WDFY3: variants seen among roughly 807,000 people sequenced by gnomAD.
The protein encoded by WDFY3 is WD repeat and FYVE domain-containing protein 3.
WDFY3 carries 66 observed loss-of-function variants against 409.6 expected under a neutral mutation model. The observed-to-expected ratio is 0.16, with a 90% CI of 0.13 to 0.20. WDFY3 has a LOEUF of 0.20. Ranked by LOEUF, WDFY3 falls within the 10% of genes least tolerant of loss-of-function variation. The pLI, the probability that WDFY3 is intolerant of heterozygous loss-of-function variation, is 1.00. For synonymous variants in WDFY3, 1,521 were observed against 1,537.1 expected, an observed-to-expected ratio of 0.99 and a Z score of 0.25; for missense variants, 3,031 against 4,298.1, an observed-to-expected ratio of 0.71 and a Z score of 8.24.
At chr4:84,875,263 AAC>A (rs58589086) in intron 3 of WDFY3, among the ~76,000 whole-genome samples, 38,847 of 137,230 alleles carry the variant, frequency 0.28, 5,481 homozygotes, top group South Asian at 0.48. Flanking sequence ...GCAAGACTCA[AAC>A]ACACACACAC....
At chr4:84,766,474 A>G in intron 30 of WDFY3, 102 bp from the exon 31 acceptor site, 1 of 1,201,488 alleles carries the variant, frequency 8.3e-7, no homozygotes, top group East Asian at 2.7e-5. Context: ...ATCTTTTAGA[A>G]AACATTTTCT....
chr4:84,778,708 T>C (rs1745972629), intron 26 of WDFY3, 53 bp from the exon 27 acceptor site: 5 of 1,559,918 alleles, frequency 3.2e-6, no homozygotes, highest in Non-Finnish European at 4.3e-6. Context: ...ATATATTCAT[T>C]ACACACACAC....
At chr4:84,954,957 C>T (rs1262158867) in intron 1 of WDFY3, among the ~76,000 whole-genome samples, 2 of 152,132 alleles carry the variant, frequency 1.3e-5, no homozygotes, top group African/African-American at 4.8e-5. Context: ...GTAATTTTGG[C>T]ACTGTGGGAG....
chr4:84,858,810 A>G (rs1292211196), intron 4 of WDFY3, among the ~76,000 whole-genome samples: 1 of 151,830 alleles, frequency 6.6e-6, no homozygotes, highest in Non-Finnish European at 1.5e-5. Context: ...GGAGAAAGGC[A>G]TCGTCAGGGG....
intron 7 of WDFY3, among the ~76,000 whole-genome samples, chr4:84,831,980 C>A (rs1218821733): frequency 2.6e-5 from 4 of 152,104 alleles, no homozygotes; most frequent in African/African-American, 9.7e-5. Flanking sequence ...AGCAATCCCC[C>A]TACTGAGGGT....
Position 84,817,434 on chromosome 4 carries a change from T to C in WDFY3, c.1845A>G (p.Ser615=). 1 of 1,613,802 alleles carries C rather than the reference T, an allele frequency of 6.2e-7. No homozygotes were observed. The highest frequency in any genetic ancestry group is 2.2e-5 in the East Asian group (1 of 44,870). ...TCAACTGCAATTCCGTCGGTGGGGC[T>C]GAATGCATTAGCCCCAGGAGAGTGC... The part of the protein sequence containing the change: ...DMGTLLGLMH[S]APPTELQLKT... The change falls in exon 13 of 68, where the codon TCA becomes TCG. Residue 615 remains serine (S), a synonymous_variant. Transcript: ENST00000295888.
intron 10 of WDFY3, among the ~76,000 whole-genome samples, chr4:84,823,042 G>A (rs1754313526): frequency 6.6e-6 from 1 of 152,102 alleles, no homozygotes; most frequent in African/African-American, 2.4e-5. Flanking sequence ...TAGCCAATAT[G>A]ATTCTGAGAA....
intron 5 of WDFY3, among the ~76,000 whole-genome samples, chr4:84,847,742 C>G (rs1758292429): frequency 7.2e-6 from 1 of 139,854 alleles, no homozygotes; most frequent in Admixed American, 7.3e-5. Context: ...CCACTGCACT[C>G]CAGCATGGGG....
chr4:84,770,743 A>C (rs1037388725), intron 30 of WDFY3, among the ~76,000 whole-genome samples: 2 of 152,228 alleles, frequency 1.3e-5, no homozygotes, highest in African/African-American at 4.8e-5. Flanking sequence ...AACTTACTCT[A>C]AGAGCTACTT....
At chr4:84,901,046 CT>C (rs1418038952) in intron 2 of WDFY3, among the ~76,000 whole-genome samples, 2 of 152,172 alleles carry the variant, frequency 1.3e-5, no homozygotes, top group African/African-American at 4.8e-5. Flanking sequence ...TGCCTTGTTG[CT>C]GCATCCTCTG....
chr4:84,846,590 A>T (rs1383314569), intron 5 of WDFY3, among the ~76,000 whole-genome samples: 1 of 148,738 alleles, frequency 6.7e-6, no homozygotes, highest in Non-Finnish European at 1.5e-5. Flanking sequence ...AGTTTTAGGA[A>T]TTTTTTCCTA....
intron 1 of WDFY3, among the ~76,000 whole-genome samples, chr4:84,937,478 G>T (rs568207511): frequency 5.3e-5 from 8 of 152,104 alleles, no homozygotes; most frequent in South Asian, 2.1e-4. Context: ...ACCACTTCTC[G>T]CCACTTGCAT....
In WDFY3 at chr4:84,672,858, T is replaced by C. The variant is rs1725632337; in HGVS notation, c.*10A>G. The C allele has an allele frequency of 1.9e-6, 3 of 1,614,060 alleles. No individual in the cohort carries two copies. Among genetic ancestry groups the C allele is most frequent in the Middle Eastern group, 1.7e-4 (1 of 6,058 alleles). The stretch of plus-strand genomic sequence containing the variant: ...TACAGACCATGGTCTCCACTCAGCT[T>C]GTTGAATCTTCAACAATTTCGAGGC... On this transcript the variant is annotated 3_prime_UTR_variant, in exon 68 of 68. Coordinates refer to ENST00000295888, the MANE Select transcript of WDFY3 (RefSeq NM_014991.6).
intron 2 of WDFY3, among the ~76,000 whole-genome samples, chr4:84,927,906 A>T (rs1770217203): frequency 1.3e-5 from 2 of 152,258 alleles, no homozygotes; most frequent in African/African-American, 4.8e-5. Context: ...AGCAGTAATT[A>T]TTCTCAATGC....
At chr4:84,751,134 G>C in intron 36 of WDFY3, 1 of 331,784 alleles carries the variant, frequency 3.0e-6, no homozygotes, top group Non-Finnish European at 5.8e-6. Flanking sequence ...CTTACGTATT[G>C]TCCATGGCTG....
At chr4:84,921,588 A>T (rs961962821) in intron 2 of WDFY3, among the ~76,000 whole-genome samples, 5 of 151,378 alleles carry the variant, frequency 3.3e-5, no homozygotes, top group Non-Finnish European at 5.9e-5. Context: ...TATTATTCAT[A>T]ATCAATATAT....
intron 30 of WDFY3, among the ~76,000 whole-genome samples, chr4:84,770,502 T>C (rs1744488902): frequency 6.6e-6 from 1 of 152,168 alleles, no homozygotes; most frequent in South Asian, 2.1e-4. Flanking sequence ...ATTTCTGAGG[T>C]ATTCCTATAC....
rs534097927 is a variant in WDFY3, at chr4:84,716,695, A to G, written c.7875+201T>C. ...GCGCCTATAGTCCCAGCTACTTGGG[A>G]GGCTAAGGCAGGAGAATGGTGTGAA... is the stretch of plus-strand genomic sequence containing the variant. On this transcript the variant is annotated intron_variant, in intron 49 of 67. Transcript: ENST00000295888. Among the ~76,000 whole-genome samples, 432 of 151,828 alleles carry G rather than the reference A, an allele frequency of 2.8e-3. 3 individuals are homozygous for G. Among genetic ancestry groups the G allele is most frequent in the Non-Finnish European group, 4.9e-3 (330 of 67,936 alleles).
rs747576197 is a variant in WDFY3, at chr4:84,921,646, A to ATTT, written c.-132+10621_-132+10623dup. Among the ~76,000 whole-genome samples the ATTT allele has an allele frequency of 2.0e-3, 156 of 78,680 alleles. 16 individuals carry two copies. The highest frequency in any genetic ancestry group is 4.8e-3 in the African/African-American group (85 of 17,628). The allele number at this position is 78,680 out of a possible 152,430, so 51.6% of individuals were successfully genotyped here. A position where few individuals can be genotyped will look rare whatever the true frequency, so the allele number is the denominator to read the frequency against. On this transcript the variant is annotated intron_variant, in intron 2 of 67. Coordinates refer to ENST00000295888, the MANE Select transcript of WDFY3 (RefSeq NM_014991.6). ...ATGGAACCAAGTCTCTATTGCTTTC[A>ATTT]TTTTTTTTTTTTTTTTTTTTTTTTT...
Sources: allele counts gnomAD v4.1 joint callset (sites outside exome capture counted in the v4.1 genomes callset), GRCh38; gene constraint gnomAD v4.1.1; transcripts MANE v1.5; gene names NCBI Gene and HGNC (gene_info 2026-07-23, HGNC 2026-07-21).